NCAM2: variants seen among roughly 807,000 people sequenced by gnomAD.
NCAM2 encodes neural cell adhesion molecule 2.
Under a neutral mutation model 98.1 loss-of-function variants are expected in NCAM2, and 30 were observed. The ratio of observed to expected loss-of-function variants is 0.31; its 90% confidence interval spans 0.23 to 0.41. The LOEUF is 0.41. Among genes scored for constraint, NCAM2 ranks in the 10% least tolerant of loss-of-function variants. The pLI is 1.00. For synonymous variants in NCAM2, 368 were observed against 342.4 expected (o/e 1.07, Z -0.83); for missense variants, 867 against 1,005.8 (o/e 0.86, Z 1.87).
intron 1 of NCAM2, among the ~76,000 whole-genome samples, chr21:21,151,159 T>C (rs1189591775): frequency 6.6e-6 from 1 of 152,006 alleles, no homozygotes; most frequent in Admixed American, 6.6e-5. Context: ...TTATTACCTA[T>C]TTTGAATGTG....
chr21:21,335,810 C>A, intron 7 of NCAM2, 145 bp downstream of exon 7: 1 of 773,298 alleles, frequency 1.3e-6, no homozygotes, highest in Non-Finnish European at 1.8e-6. Flanking sequence ...ATTTCAGCTA[C>A]CAGATAGAAT....
intron 1 of NCAM2, among the ~76,000 whole-genome samples, chr21:21,195,815 T>C (rs557615295): frequency 6.6e-6 from 1 of 152,316 alleles, no homozygotes; most frequent in South Asian, 2.1e-4. Context: ...AGTCAGACTC[T>C]AGTAATAGTT....
intron 11 of NCAM2, among the ~76,000 whole-genome samples, chr21:21,427,155 A>C (rs1399947788): frequency 6.6e-6 from 1 of 152,164 alleles, no homozygotes; most frequent in East Asian, 1.9e-4. Flanking sequence ...AATTAGAAAT[A>C]ATCTATTGAA....
chr21:21,068,141 T>G (rs957740248), intron 1 of NCAM2, among the ~76,000 whole-genome samples: 1 of 144,112 alleles, frequency 6.9e-6, no homozygotes, highest in African/African-American at 2.6e-5. Flanking sequence ...TTTTCTTTTT[T>G]TTTTTTTTTT....
At chr21:21,141,152 T>TATA (rs1297105916) in intron 1 of NCAM2, among the ~76,000 whole-genome samples, 1 of 152,194 alleles carries the variant, frequency 6.6e-6, no homozygotes, top group African/African-American at 2.4e-5. Flanking sequence ...TTTCAAAACG[T>TATA]ATAACACTTT....
At chr21:21,490,308 A>G (rs933927053) in intron 15 of NCAM2, among the ~76,000 whole-genome samples, 1 of 151,992 alleles carries the variant, frequency 6.6e-6, no homozygotes, top group African/African-American at 2.4e-5. Flanking sequence ...ACTGCATTTC[A>G]TCTCCTTTGT....
chr21:21,096,483 TAAA>T (rs1291817106), intron 1 of NCAM2, among the ~76,000 whole-genome samples: 1 of 151,734 alleles, frequency 6.6e-6, no homozygotes, highest in Non-Finnish European at 1.5e-5. Flanking sequence ...TGTAGAAAGA[TAAA>T]AAACAAATAT....
At chr21:21,110,168 G>A (rs1290862108) in intron 1 of NCAM2, among the ~76,000 whole-genome samples, 1 of 152,148 alleles carries the variant, frequency 6.6e-6, no homozygotes, top group African/African-American at 2.4e-5. Context: ...GCGTCCTCAT[G>A]ACAGAAAAAA....
chr21:21,103,522 A>G (rs951011094), intron 1 of NCAM2, among the ~76,000 whole-genome samples: 27 of 152,236 alleles, frequency 1.8e-4, no homozygotes, highest in East Asian at 5.8e-4. Flanking sequence ...AAAATTAACA[A>G]TACATGAAAT....
intron 1 of NCAM2, among the ~76,000 whole-genome samples, chr21:21,218,813 G>T (rs190559028): frequency 6.6e-6 from 1 of 152,320 alleles, no homozygotes; most frequent in African/African-American, 2.4e-5. Context: ...GGAGACCGAG[G>T]TGGGCAGATC....
chr21:21,374,222 T>C (rs1263639762), intron 9 of NCAM2, among the ~76,000 whole-genome samples: 3 of 151,924 alleles, frequency 2.0e-5, no homozygotes, highest in Non-Finnish European at 2.9e-5. Flanking sequence ...TTTCATCATT[T>C]TGATATTGCT....
rs192085120 is a variant in NCAM2, at chr21:21,314,905, A to C, written c.620-9478A>C. 1.8e-3 allele frequency among the ~76,000 whole-genome samples: 274 copies of C among 152,274 alleles called. 4 individuals carry two copies. The highest frequency in any genetic ancestry group is 0.015 in the East Asian group (76 of 5,178). ...GAACATGTTTTAAACAGTTGCTTTA[A>C]AATAGCTTTTAGATAATCCAACATG... On this transcript the variant is annotated intron_variant, in intron 5 of 17. Coordinates refer to ENST00000400546, the MANE Select transcript of NCAM2 (RefSeq NM_004540.5).
intron 1 of NCAM2, among the ~76,000 whole-genome samples, chr21:21,250,227 T>G: frequency 6.6e-6 from 1 of 152,202 alleles, no homozygotes; most frequent in Non-Finnish European, 1.5e-5. Flanking sequence ...ACCAAAATTC[T>G]AACTGGATGC....
At chr21:21,204,065 C>T (rs2069343883) in intron 1 of NCAM2, among the ~76,000 whole-genome samples, 1 of 152,118 alleles carries the variant, frequency 6.6e-6, no homozygotes, top group African/African-American at 2.4e-5. Flanking sequence ...TGAGTATCAA[C>T]AAGTGTCTTC....
intron 8 of NCAM2, 47 bp from the exon 9 acceptor site, chr21:21,373,815 GC>G (rs993332660): frequency 6.7e-7 from 1 of 1,482,134 alleles, no homozygotes; most frequent in Non-Finnish European, 9.0e-7. Context: ...TCACCATTTT[GC>G]ACACACAAGC....
intron 15 of NCAM2, among the ~76,000 whole-genome samples, chr21:21,494,766 C>T (rs1380591): frequency 0.49 from 74,653 of 151,578 alleles, 19,523 homozygotes; most frequent in Middle Eastern, 0.6. Context: ...GCAAAGACTT[C>T]AGATATTTTA....
At chr21:21,422,831 T>G (rs1426486545) in intron 11 of NCAM2, among the ~76,000 whole-genome samples, 3 of 152,160 alleles carry the variant, frequency 2.0e-5, no homozygotes, top group Non-Finnish European at 4.4e-5. Flanking sequence ...CTATTTGGAT[T>G]GAAGTACATA....
At chr21:21,483,288 G>A (rs1003600263) in intron 15 of NCAM2, among the ~76,000 whole-genome samples, 2 of 151,702 alleles carry the variant, frequency 1.3e-5, no homozygotes, top group African/African-American at 4.8e-5. Context: ...TATATTCAAT[G>A]ATAAAATAAT....
At chr21:21,144,116 G>A (rs1009576845) in intron 1 of NCAM2, among the ~76,000 whole-genome samples, 9 of 151,954 alleles carry the variant, frequency 5.9e-5, no homozygotes, top group African/African-American at 1.7e-4. Flanking sequence ...TTGGGAGGCC[G>A]AGGTGGGCGG....
Sources: allele counts gnomAD v4.1 joint callset (sites outside exome capture counted in the v4.1 genomes callset), GRCh38; gene constraint gnomAD v4.1.1; transcripts MANE v1.5; gene names NCBI Gene and HGNC (gene_info 2026-07-23, HGNC 2026-07-21).